The following ZEB2 variants were observed in gnomAD, a reference collection of about 807,000 sequenced individuals.
ZEB2 encodes the protein zinc finger E-box-binding homeobox 2.
A neutral mutation model predicts 99.9 loss-of-function variants in ZEB2; 6 were observed. That is an observed-to-expected ratio of 0.06 (90% CI 0.03 to 0.12). The LOEUF is 0.12. Among genes scored for constraint, ZEB2 ranks in the 10% least tolerant of loss-of-function variants. ZEB2 has a pLI of 1.00. For missense variants in ZEB2, 969 were observed against 1,502.8 expected (o/e 0.64, Z 5.87); for synonymous variants, 517 against 542.5 (o/e 0.95, Z 0.65).
chr2:144,440,520 T>TACA (rs1560625313), intron 2 of ZEB2, among the ~76,000 whole-genome samples: 2 of 10,560 alleles, frequency 1.9e-4, no homozygotes, highest in African/African-American at 3.7e-4. Context: ...TATATATTTT[T>TACA]TTTTTTTTTT....
intron 2 of ZEB2, among the ~76,000 whole-genome samples, chr2:144,433,624 C>A (rs961450439): frequency 3.9e-5 from 6 of 152,034 alleles, no homozygotes; most frequent in Non-Finnish European, 8.8e-5. Flanking sequence ...TTACTAAAAG[C>A]CTATATTTAA....
intron 2 of ZEB2, chr2:144,516,770 G>C (rs1705153694): frequency 1.3e-5 from 2 of 151,578 alleles, no homozygotes; most frequent in Middle Eastern, 3.2e-3. Flanking sequence ...GCGGCCGGGC[G>C]ACTCCGGCAA....
intron 8 of ZEB2, 77 bp from the exon 9 acceptor site, chr2:144,396,669 T>C (rs1023734125): frequency 2.0e-6 from 3 of 1,501,274 alleles, no homozygotes; most frequent in Non-Finnish European, 1.8e-6. Context: ...AGGGGGACAT[T>C]TGGAGAACCT....
rs1001588033 is a variant in ZEB2 at position 144,385,830 on chromosome 2, T to C, written c.*3621A>G. 1.3e-5 allele frequency: 2 copies of C among 152,230 alleles called. No homozygotes were observed. Among genetic ancestry groups the C allele is most frequent in the Non-Finnish European group, 2.9e-5 (2 of 68,034 alleles). The allele number at this position is 152,230 out of a possible 1,614,324, so 9.4% of individuals were successfully genotyped here. ...ATTAGAAAGATAAAAAATGACCTTTTTAAAAGTTATCTGATTGTGAAAAGT... is the reference window on the plus strand; with the variant it reads ...ATTAGAAAGATAAAAAATGACCTTTCTAAAAGTTATCTGATTGTGAAAAGT... On this transcript the variant is annotated 3_prime_UTR_variant, in exon 10 of 10. Coordinates refer to ENST00000627532, the MANE Select transcript of ZEB2 (RefSeq NM_014795.4).
At chr2:144,457,296 A>T (rs1275431283) in intron 2 of ZEB2, among the ~76,000 whole-genome samples, 1 of 152,176 alleles carries the variant, frequency 6.6e-6, no homozygotes, top group Admixed American at 6.5e-5. Context: ...ATAGATGAGT[A>T]AATTGAATCT....
At chr2:144,459,416 C>T (rs1243978054) in intron 2 of ZEB2, among the ~76,000 whole-genome samples, 1 of 152,146 alleles carries the variant, frequency 6.6e-6, no homozygotes, top group Non-Finnish European at 1.5e-5. Flanking sequence ...TCCATGGCCT[C>T]TTAGCCTGAA....
At chr2:144,501,419 A>C (rs575417418) in intron 2 of ZEB2, among the ~76,000 whole-genome samples, 52 of 152,330 alleles carry the variant, frequency 3.4e-4, no homozygotes, top group Non-Finnish European at 6.0e-4. Context: ...AGACCTCTTC[A>C]TCTCCTGCTT....
chr2:144,411,099 A>ATG (rs1553962740), intron 4 of ZEB2, among the ~76,000 whole-genome samples: 13 of 90,110 alleles, frequency 1.4e-4, no homozygotes, highest in African/African-American at 4.2e-4. Flanking sequence ...ATATATATAT[A>ATG]TGTATAATAG....
intron 4 of ZEB2, 70 bp downstream of exon 4, chr2:144,424,726 T>C (rs1703667695): frequency 1.3e-6 from 2 of 1,563,170 alleles, no homozygotes; most frequent in East Asian, 4.5e-5. Context: ...TGTCACTGTT[T>C]CCTTCCCTGC....
intron 2 of ZEB2, among the ~76,000 whole-genome samples, chr2:144,498,105 ATT>A (rs1704812891): frequency 9.3e-6 from 1 of 107,032 alleles, no homozygotes; most frequent in Non-Finnish European, 1.8e-5. Flanking sequence ...AATATTATAT[ATT>A]ATATAATATA....
intron 2 of ZEB2, among the ~76,000 whole-genome samples, chr2:144,456,087 A>C (rs1704118289): frequency 6.6e-6 from 1 of 152,096 alleles, no homozygotes; most frequent in African/African-American, 2.4e-5. Context: ...TCTAAGACTA[A>C]GACTAAATCC....
intron 2 of ZEB2, among the ~76,000 whole-genome samples, chr2:144,450,798 C>T (rs1704045397): frequency 6.6e-6 from 1 of 152,174 alleles, no homozygotes; most frequent in Admixed American, 6.5e-5. Context: ...GCCTCAGCTT[C>T]CCGAGTAGCT....
chr2:144,446,236 C>T (rs1703981390), intron 2 of ZEB2, among the ~76,000 whole-genome samples: 1 of 152,142 alleles, frequency 6.6e-6, no homozygotes, highest in South Asian at 2.1e-4. Context: ...ACTCCATGCA[C>T]CATCGTCTAC....
intron 2 of ZEB2, among the ~76,000 whole-genome samples, chr2:144,475,395 A>G (rs373388961): frequency 1.5e-4 from 23 of 152,302 alleles, no homozygotes; most frequent in Non-Finnish European, 3.1e-4. Context: ...ATTCGCAACT[A>G]AAAAAGTAAT....
intron 2 of ZEB2, among the ~76,000 whole-genome samples, chr2:144,510,726 CTCTT>C (rs1452569749): frequency 4.0e-5 from 6 of 151,782 alleles, no homozygotes; most frequent in Non-Finnish European, 8.8e-5. Flanking sequence ...CTTTCTCTCT[CTCTT>C]TCTTTTCATC....
chr2:144,401,437 C>T (rs546904562), intron 6 of ZEB2, 130 bp from the exon 7 acceptor site: 1 of 808,436 alleles, frequency 1.2e-6, no homozygotes, highest in Non-Finnish European at 2.1e-6. Flanking sequence ...TTTATCTGCT[C>T]AGTCTTTCAG....
rs1276142335 is a variant in ZEB2 at position 144,457,633 on chromosome 2, G to GTTA, written c.74-27608_74-27607insTAA. On this transcript the variant is annotated intron_variant, in intron 2 of 9. Transcript: ENST00000627532. ...AAAAGCAAGTTAGATATAAGGAAGAGGACCTGGTATGTAACAGGTATTAAT... is the reference window on the plus strand; with the variant it reads ...AAAAGCAAGTTAGATATAAGGAAGAGTTAGACCTGGTATGTAACAGGTATTAAT... Among the ~76,000 whole-genome samples, 35 of 152,254 alleles carry GTTA rather than the reference G, an allele frequency of 2.3e-4. No homozygotes were observed. In the East Asian group the frequency reaches 6.0e-3, roughly 26 times the overall value.
chr2:144,488,138 A>G (rs1030923286), intron 2 of ZEB2, among the ~76,000 whole-genome samples: 1 of 152,224 alleles, frequency 6.6e-6, no homozygotes, highest in Admixed American at 6.5e-5. Flanking sequence ...TGTCCACAGC[A>G]TACCAATCAA....
chr2:144,424,940 G>C (rs1703672194), intron 3 of ZEB2, 73 bp from the exon 4 acceptor site: 7 of 1,473,900 alleles, frequency 4.7e-6, no homozygotes, highest in Non-Finnish European at 5.7e-6. Context: ...CCAAGCACAG[G>C]AACAAGGAAG....
Sources: allele counts gnomAD v4.1 joint callset (sites outside exome capture counted in the v4.1 genomes callset), GRCh38; gene constraint gnomAD v4.1.1; transcripts MANE v1.5; gene names NCBI Gene and HGNC (gene_info 2026-07-23, HGNC 2026-07-21).